The following FBXO25 variants were observed in gnomAD, a reference collection of about 807,000 sequenced individuals.
FBXO25 encodes F-box protein 25, also known as F-box only protein 25.
Under a neutral mutation model 51.9 loss-of-function variants are expected in FBXO25, and 45 were observed. The observed-to-expected ratio is 0.87, with a 90% CI of 0.68 to 1.11. The LOEUF (loss-of-function observed/expected upper bound fraction) is 1.11. FBXO25 is among the 50% of genes most tolerant of loss of function. The pLI, the probability that FBXO25 is intolerant of heterozygous loss-of-function variation, is 0.00. For synonymous variants in FBXO25, 199 were observed against 151.0 expected (o/e 1.32, Z -2.33); for missense variants, 507 against 428.5 (o/e 1.18, Z -1.62).
chr8:419,722 A>G (rs1797036423), intron 2 of FBXO25, among the ~76,000 whole-genome samples: 1 of 152,204 alleles, frequency 6.6e-6, no homozygotes, highest in Non-Finnish European at 1.5e-5. Flanking sequence ...GAAGAAACCC[A>G]AAGGAAAGTC....
chr8:465,351 C>T (rs1019908006), intron 9 of FBXO25, among the ~76,000 whole-genome samples: 6 of 152,126 alleles, frequency 3.9e-5, no homozygotes, highest in Admixed American at 1.3e-4. Flanking sequence ...AGTTACTTGT[C>T]TTTTTTTCTC....
At chr8:455,305 G>A (rs1799355019) in intron 7 of FBXO25, among the ~76,000 whole-genome samples, 1 of 152,200 alleles carries the variant, frequency 6.6e-6, no homozygotes, top group South Asian at 2.1e-4. Flanking sequence ...CCAGGTTGGA[G>A]GGAAGTAAAC....
intron 2 of FBXO25, among the ~76,000 whole-genome samples, 197 bp from the exon 3 acceptor site, chr8:431,144 C>A (rs551600879): frequency 3.5e-4 from 53 of 152,280 alleles, no homozygotes; most frequent in Non-Finnish European, 6.0e-4. Context: ...ACATGTTCAG[C>A]ACTTTCTGGT....
At chr8:422,871 T>G (rs1212093174) in intron 2 of FBXO25, among the ~76,000 whole-genome samples, 8 of 152,044 alleles carry the variant, frequency 5.3e-5, no homozygotes, top group Non-Finnish European at 8.8e-5. Flanking sequence ...TATGGTGTCT[T>G]TATTGGGTAT....
At chr8:465,487 AT>A (rs1358101372) in intron 9 of FBXO25, among the ~76,000 whole-genome samples, 14 of 152,210 alleles carry the variant, frequency 9.2e-5, no homozygotes, top group African/African-American at 3.4e-4. Flanking sequence ...TTAGAACAAT[AT>A]TTATCAATAT....
Position 419,617 on chromosome 8 carries a change from A to G in FBXO25, c.134+6404A>G, listed in dbSNP as rs1377924449. On this transcript the variant is annotated intron_variant, in intron 2 of 9. Transcript: ENST00000350302. Reference sequence around the variant, plus strand: ...GAAAACTAGATGTGTATATGCAAAAATAAATAAAAACCTGTACAGCTCACA... The same window carrying G: ...GAAAACTAGATGTGTATATGCAAAAGTAAATAAAAACCTGTACAGCTCACA... Among the ~76,000 whole-genome samples the G allele has an allele frequency of 8.5e-5, 13 of 152,308 alleles. 1 individual carries two copies. The highest frequency in any genetic ancestry group is 1.9e-4 in the African/African-American group (8 of 41,562).
chr8:418,897 G>A (rs1796980747), intron 2 of FBXO25, among the ~76,000 whole-genome samples: 1 of 151,980 alleles, frequency 6.6e-6, no homozygotes, highest in African/African-American at 2.4e-5. Flanking sequence ...AATGTTAGAT[G>A]GATTTTAGAA....
At chr8:454,153 A>G (rs1799269840) in intron 7 of FBXO25, among the ~76,000 whole-genome samples, 1 of 152,220 alleles carries the variant, frequency 6.6e-6, no homozygotes, top group Non-Finnish European at 1.5e-5. Context: ...CACCCCTTAA[A>G]TCTAAATACT....
chr8:435,994 G>C (rs553793526), intron 5 of FBXO25, among the ~76,000 whole-genome samples: 1 of 152,238 alleles, frequency 6.6e-6, no homozygotes, highest in Non-Finnish European at 1.5e-5. Flanking sequence ...CTTGGGGGTT[G>C]TACCACGTAC....
At chr8:459,942 C>G (rs1030023008) in intron 8 of FBXO25, among the ~76,000 whole-genome samples, 1 of 152,002 alleles carries the variant, frequency 6.6e-6, no homozygotes, top group Non-Finnish European at 1.5e-5. Flanking sequence ...AAAACTCTCT[C>G]AAGTGGACTT....
At chr8:435,411 C>T (rs1360745304) in intron 4 of FBXO25, 8 of 566,618 alleles carry the variant, frequency 1.4e-5, no homozygotes, top group Admixed American at 3.8e-5. Flanking sequence ...TGTCAGTTAA[C>T]GGTGTCTCAG....
At chr8:414,684 C>CT (rs1796687917) in intron 2 of FBXO25, among the ~76,000 whole-genome samples, 1 of 152,188 alleles carries the variant, frequency 6.6e-6, no homozygotes, top group Non-Finnish European at 1.5e-5. Context: ...CTCTGTCTCC[C>CT]TTTCCCCTTC....
chr8:471,686 T>G lies in FBXO25; in HGVS notation c.*2882T>G, dbSNP rs1333052826. 1 of 152,228 alleles carries G rather than the reference T, an allele frequency of 6.6e-6. No homozygotes were observed. Among genetic ancestry groups the G allele is most frequent in the East Asian group, 1.9e-4 (1 of 5,194 alleles). The allele number at this position is 152,228 out of a possible 1,614,324, so 9.4% of individuals were successfully genotyped here. On this transcript the variant is annotated 3_prime_UTR_variant, in exon 10 of 10. Transcript: ENST00000350302. The stretch of plus-strand genomic sequence containing the variant: ...TTGACACCCAGTTACAACTTCCTTT[T>G]GCCTATTTTGAGTCAAAAAGTCACA...
chr8:435,240 G>A (rs13267767), intron 4 of FBXO25, among the ~76,000 whole-genome samples: 56,904 of 151,358 alleles, frequency 0.38, 11,246 homozygotes, highest in African/African-American at 0.51. Context: ...AGTTAATCAG[G>A]TGATTTATGT....
In FBXO25 at chr8:474,336, A is replaced by C. The variant is rs1009135421; in HGVS notation, c.*5532A>C. On this transcript the variant is annotated 3_prime_UTR_variant, in exon 10 of 10. Coordinates refer to ENST00000350302, the MANE Select transcript of FBXO25 (RefSeq NM_183420.2). ...TGGACCACATTTTGTTTGTGTACTC[A>C]TCTGTTGAGGACACTTGAGTTGCTT... 8 of 225,732 alleles carry C rather than the reference A, an allele frequency of 3.5e-5. No homozygotes were observed. Among genetic ancestry groups the C allele is most frequent in the African/African-American group, 1.9e-4 (8 of 42,238 alleles). 14.0% of individuals were successfully genotyped at this position (225,732 alleles called of 1,614,324 possible).
In FBXO25 at chr8:474,628, G is replaced by A; in HGVS notation, c.*5824G>A. Reference sequence around the variant, plus strand: ...TTTGATTTGCATTTCCGTAATGACTGGTGATGCTGAGTATCTGTTTGTTGG... The same window carrying A: ...TTTGATTTGCATTTCCGTAATGACTAGTGATGCTGAGTATCTGTTTGTTGG... On this transcript the variant is annotated 3_prime_UTR_variant, in exon 10 of 10. Transcript: ENST00000350302. The A allele has an allele frequency of 2.4e-6, 1 of 424,672 alleles. No individual in the cohort carries two copies. Among genetic ancestry groups the A allele is most frequent in the Non-Finnish European group, 4.7e-6 (1 of 214,844 alleles). The allele number at this position is 424,672 out of a possible 1,614,324, so 26.3% of individuals were successfully genotyped here. A position where few individuals can be genotyped will look rare whatever the true frequency, so the allele number is the denominator to read the frequency against.
In FBXO25 at chr8:475,105, T is replaced by A. The variant is rs1800603146; in HGVS notation, c.*6301T>A. On this transcript the variant is annotated 3_prime_UTR_variant, in exon 10 of 10. Coordinates refer to ENST00000350302, the MANE Select transcript of FBXO25 (RefSeq NM_183420.2). Reference sequence around the variant, plus strand: ...AATGTTTTAGTTTTAGCTCTTAGTTTAGGCCTTTGATCTATTTTAATTTTT... The same window carrying A: ...AATGTTTTAGTTTTAGCTCTTAGTTAAGGCCTTTGATCTATTTTAATTTTT... 2 of 367,014 alleles carry A rather than the reference T, an allele frequency of 5.4e-6. No individual in the cohort carries two copies. Among genetic ancestry groups the A allele is most frequent in the Admixed American group, 4.0e-5 (1 of 25,316 alleles). The allele number at this position is 367,014 out of a possible 1,614,324, so 22.7% of individuals were successfully genotyped here. A position where few individuals can be genotyped will look rare whatever the true frequency, so the allele number is the denominator to read the frequency against.
intron 1 of FBXO25, 46 bp from the exon 2 acceptor site, chr8:413,027 T>C (rs1478748033): frequency 5.2e-6 from 7 of 1,335,382 alleles, no homozygotes; most frequent in Non-Finnish European, 6.9e-6. Flanking sequence ...AAAAGAAACT[T>C]TTATGAATTA....
intron 1 of FBXO25, among the ~76,000 whole-genome samples, chr8:408,841 T>A (rs1263408177): frequency 7.2e-5 from 11 of 152,342 alleles, no homozygotes; most frequent in Non-Finnish European, 1.5e-4. Flanking sequence ...TAAGTTGGCA[T>A]AAAATGTGCT....
Sources: gnomAD v4.1 joint callset for allele counts (sites outside exome capture counted in the v4.1 genomes callset) on GRCh38, gnomAD v4.1.1 for gene constraint, MANE v1.5 for transcripts, NCBI Gene and HGNC (gene_info 2026-07-23, HGNC 2026-07-21) for gene names.